The following CHAF1A variants were observed in gnomAD, a reference collection of about 807,000 sequenced individuals.
CHAF1A encodes chromatin assembly factor 1 subunit A.
A neutral mutation model predicts 93.2 loss-of-function variants in CHAF1A; 5 were observed. The observed-to-expected ratio is 0.05, with a 90% CI of 0.03 to 0.11. The LOEUF is 0.11. CHAF1A is among the 10% of genes least tolerant of loss of function. The pLI, the probability that CHAF1A is intolerant of heterozygous loss-of-function variation, is 1.00. For synonymous variants in CHAF1A, 504 were observed against 510.3 expected, an observed-to-expected ratio of 0.99 and a Z score of 0.17; for missense variants, 1,102 against 1,259.9, an observed-to-expected ratio of 0.87 and a Z score of 1.90.
At chr19:4,442,372 T>G (rs1385861892) in intron 14 of CHAF1A, 31 bp downstream of exon 14, 2 of 1,526,520 alleles carry the variant, frequency 1.3e-6, no homozygotes, top group Non-Finnish European at 1.8e-6. Flanking sequence ...CAGAACGCAC[T>G]GGTGAGGTGG....
intron 4 of CHAF1A, among the ~76,000 whole-genome samples, chr19:4,420,705 C>T (rs1973976704): frequency 6.6e-6 from 1 of 152,098 alleles, no homozygotes; most frequent in East Asian, 1.9e-4. Context: ...CTTTGGGAGG[C>T]CAAAGTGGGA....
downstream of CHAF1A, chr19:4,445,199 G>C (rs1974479009): frequency 2.1e-5 from 8 of 376,940 alleles, no homozygotes; most frequent in South Asian, 2.0e-4. Context: ...CCAGGGAGAT[G>C]CCACGTGTGT....
chr19:4,403,188 G>A (rs1261764970), intron 1 of CHAF1A, among the ~76,000 whole-genome samples: 1 of 151,882 alleles, frequency 6.6e-6, no homozygotes, highest in Non-Finnish European at 1.5e-5. Flanking sequence ...CCTTGCAGCG[G>A]GTGGGGAAAC....
intron 3 of CHAF1A, among the ~76,000 whole-genome samples, chr19:4,410,228 A>T (rs1973768546): frequency 6.6e-6 from 1 of 152,054 alleles, no homozygotes; most frequent in South Asian, 2.1e-4. Flanking sequence ...CTGTAGGGTC[A>T]GCACAGCCAG....
the CHAF1A span, chr19:4,450,467 T>C: frequency 1.3e-5 from 2 of 151,560 alleles, no homozygotes; most frequent in Non-Finnish European, 2.9e-5. Flanking sequence ...GCCTAATATG[T>C]AAAGAGTGCT....
Position 4,433,119 on chromosome 19 carries a change from G to A in CHAF1A, c.2253G>A (p.Lys751=). The A allele has an allele frequency of 6.2e-7, 1 of 1,609,918 alleles. No homozygotes were observed. The highest frequency in any genetic ancestry group is 8.5e-7 in the Non-Finnish European group (1 of 1,176,792). ...PLLHGNVNGS[K]VIIREFQEHC... is the part of the protein sequence containing the mutation. The stretch of plus-strand genomic sequence containing the variant: ...TGCACGGCAATGTGAACGGGAGCAA[G>A]GTCATCATCCGGGAGTTCCAGGAGC... Residue 751 remains lysine, a synonymous_variant, in exon 13 of 15, where the codon AAG becomes AAA. Coordinates refer to ENST00000301280, the MANE Select transcript of CHAF1A (RefSeq NM_005483.3). This position sits in a 1 kb window ranked among gnomAD's most constrained non-coding sequence, Gnocchi z 5.6.
At chr19:4,423,920 CTT>C in intron 7 of CHAF1A, 46 bp downstream of exon 7, 1 of 1,565,254 alleles carries the variant, frequency 6.4e-7, no homozygotes, top group Non-Finnish European at 8.8e-7. Flanking sequence ...CTCTGCTAGA[CTT>C]TTCCTTTCTG....
intron 3 of CHAF1A, among the ~76,000 whole-genome samples, chr19:4,415,939 C>T (rs188069920): frequency 4.0e-5 from 6 of 151,840 alleles, no homozygotes; most frequent in Admixed American, 2.6e-4. Flanking sequence ...TTTGGGAGGC[C>T]GAGGCGGGCG....
chr19:4,422,586 G>A lies in CHAF1A; in HGVS notation c.1038G>A (p.Lys346=), dbSNP rs867143160. The change falls in exon 5 of 15, where the codon AAG becomes AAA. Residue 346 remains lysine (K), a synonymous_variant. Transcript: ENST00000301280. This position sits in a 1 kb window ranked among gnomAD's most constrained non-coding sequence, Gnocchi z 4.6. The part of the protein sequence containing the change: ...RLQRDQERLG[K]QLKLRAEREE... ...TGTAGGATCAGGAGCGTCTGGGCAAGCAGCTCAAGTTACGTGCAGAAAGGG... is the reference window on the plus strand; with the variant it reads ...TGTAGGATCAGGAGCGTCTGGGCAAACAGCTCAAGTTACGTGCAGAAAGGG... 3 of 1,569,766 alleles carry A rather than the reference G, an allele frequency of 1.9e-6. No homozygotes were observed. Among genetic ancestry groups the A allele is most frequent in the Non-Finnish European group, 1.7e-6 (2 of 1,157,512 alleles).
At chr19:4,421,706 G>A (rs910688603) in intron 4 of CHAF1A, among the ~76,000 whole-genome samples, 1 of 152,134 alleles carries the variant, frequency 6.6e-6, no homozygotes, top group Non-Finnish European at 1.5e-5. Context: ...AGCCTGGGAG[G>A]TCGAGGCTGC....
At chr19:4,447,049 T>C (rs909059766), downstream of CHAF1A, 3 of 882,884 alleles carry the variant, frequency 3.4e-6, no homozygotes, top group Admixed American at 7.1e-5. Context: ...GGCCCAGCCC[T>C]GGGGGTGCCT....
At chr19:4,412,260 T>G (rs775001170) in intron 3 of CHAF1A, among the ~76,000 whole-genome samples, 1 of 152,050 alleles carries the variant, frequency 6.6e-6, no homozygotes. Context: ...ACGGGACACA[T>G]GGCTGGGCGC....
chr19:4,439,410 G>A, intron 13 of CHAF1A, among the ~76,000 whole-genome samples: 1 of 152,186 alleles, frequency 6.6e-6, no homozygotes, highest in East Asian at 1.9e-4. Context: ...TTTAGCACTT[G>A]CAGTGCTGCT....
chr19:4,420,396 T>C (rs243362), intron 4 of CHAF1A, among the ~76,000 whole-genome samples: 149,592 of 152,226 alleles, frequency 0.98, 73,514 homozygotes, highest in African/African-American at 0.98. Context: ...GCACGTGCCT[T>C]CATGCCCAGC....
At chr19:4,426,862 G>C (rs1295545018) in intron 7 of CHAF1A, among the ~76,000 whole-genome samples, 1 of 152,050 alleles carries the variant, frequency 6.6e-6, no homozygotes, top group Non-Finnish European at 1.5e-5. Flanking sequence ...AGGCCAAGGC[G>C]GGTGAATCAT....
intron 13 of CHAF1A, among the ~76,000 whole-genome samples, chr19:4,439,258 G>A (rs551243312): frequency 1.1e-4 from 17 of 151,744 alleles, no homozygotes; most frequent in African/African-American, 4.1e-4. Flanking sequence ...TCCAGCCTGG[G>A]CAACAGAGCA....
chr19:4,439,763 C>T (rs1251131272), intron 13 of CHAF1A, among the ~76,000 whole-genome samples: 1 of 152,244 alleles, frequency 6.6e-6, no homozygotes, highest in African/African-American at 2.4e-5. Context: ...TGGCCGTAGG[C>T]CAGGCTCAGT....
intron 3 of CHAF1A, among the ~76,000 whole-genome samples, 194 bp from the exon 4 acceptor site, chr19:4,417,826 C>G (rs929168679): frequency 6.6e-6 from 1 of 152,128 alleles, no homozygotes; most frequent in Non-Finnish European, 1.5e-5. Context: ...TCACTCATTT[C>G]TTTATCTGCC....
At chr19:4,412,872 C>G (rs557843017) in intron 3 of CHAF1A, among the ~76,000 whole-genome samples, 1 of 152,166 alleles carries the variant, frequency 6.6e-6, no homozygotes, top group Non-Finnish European at 1.5e-5. Context: ...CACAACCACC[C>G]GCAGAGGGCC....
Sources: allele counts gnomAD v4.1 joint callset (sites outside exome capture counted in the v4.1 genomes callset), GRCh38; gene constraint gnomAD v4.1.1; non-coding constraint Gnocchi (gnomAD v3.1); transcripts MANE v1.5; gene names NCBI Gene and HGNC (gene_info 2026-07-23, HGNC 2026-07-21).